The following PRORP variants were observed in gnomAD, a reference collection of about 807,000 sequenced individuals.
PRORP encodes the protein mitochondrial ribonuclease P catalytic subunit.
Under a neutral mutation model 59.4 loss-of-function variants are expected in PRORP, and 51 were observed. The observed-to-expected ratio is 0.86, with a 90% CI of 0.69 to 1.08. The LOEUF is 1.08. Among genes scored for constraint, PRORP ranks in the 50% least tolerant of loss-of-function variants. PRORP has a pLI of 0.00. For synonymous variants in PRORP, 231 were observed against 245.6 expected (o/e 0.94, Z 0.55); for missense variants, 646 against 690.3 (o/e 0.94, Z 0.72).
intron 4 of PRORP, among the ~76,000 whole-genome samples, chr14:35,166,518 A>T (rs10136614): frequency 6.8e-6 from 1 of 147,950 alleles, no homozygotes; most frequent in South Asian, 2.1e-4. Flanking sequence ...GGTGTAATCT[A>T]GGCTCACTGC....
chr14:35,233,182 C>A (rs981704616), intron 5 of PRORP, among the ~76,000 whole-genome samples: 1 of 139,524 alleles, frequency 7.2e-6, no homozygotes, highest in African/African-American at 2.7e-5. Flanking sequence ...GCCAGGGATA[C>A]ACCAATGAAT....
At chr14:35,249,544 ATGCCACTGCAC>A (rs1396603811) in intron 5 of PRORP, among the ~76,000 whole-genome samples, 1 of 152,208 alleles carries the variant, frequency 6.6e-6, no homozygotes, top group Non-Finnish European at 1.5e-5. Flanking sequence ...AACCATGATC[ATGCCACTGCAC>A]TGCCACCTGG....
chr14:35,136,096 G>A (rs1483200063), intron 4 of PRORP, among the ~76,000 whole-genome samples: 1 of 152,176 alleles, frequency 6.6e-6, no homozygotes, highest in Non-Finnish European at 1.5e-5. Flanking sequence ...CTGCTGAGTG[G>A]TCCAGGTGTG....
chr14:35,249,981 G>A (rs1429268638), intron 5 of PRORP, among the ~76,000 whole-genome samples: 2 of 152,028 alleles, frequency 1.3e-5, no homozygotes, highest in African/African-American at 4.8e-5. Context: ...GGCACAGTGG[G>A]TCATGCCTGT....
intron 5 of PRORP, among the ~76,000 whole-genome samples, chr14:35,234,676 CTT>C (rs398056986): frequency 0.026 from 3,357 of 130,018 alleles, 136 homozygotes; most frequent in African/African-American, 0.087. Context: ...ACTGTTGTTC[CTT>C]TTTTTTTTTT....
intron 6 of PRORP, among the ~76,000 whole-genome samples, chr14:35,267,587 T>C (rs1242728387): frequency 4.6e-5 from 7 of 151,966 alleles, no homozygotes. Flanking sequence ...ATCAAGACCA[T>C]CCTGGCTAAC....
intron 5 of PRORP, among the ~76,000 whole-genome samples, chr14:35,241,350 C>T (rs2050362333): frequency 6.6e-6 from 1 of 151,810 alleles, no homozygotes; most frequent in South Asian, 2.1e-4. Flanking sequence ...TGCACGCCAG[C>T]CTGGGTGACA....
At chr14:35,250,855 A>ATT (rs796450876) in intron 5 of PRORP, among the ~76,000 whole-genome samples, 4 of 145,736 alleles carry the variant, frequency 2.7e-5, no homozygotes, top group African/African-American at 7.6e-5. Context: ...TCTCCATTTT[A>ATT]TTTTTTTTTT....
At chr14:35,121,918 G>C, upstream of PRORP, 3 of 1,614,128 alleles carry the variant, frequency 1.9e-6, no homozygotes, top group Non-Finnish European at 2.5e-6. Flanking sequence ...GACAGGTGTT[G>C]GGCGTCGCTA....
intron 6 of PRORP, among the ~76,000 whole-genome samples, chr14:35,268,384 G>C (rs2051101444): frequency 6.8e-6 from 1 of 147,958 alleles, no homozygotes; most frequent in Non-Finnish European, 1.5e-5. Context: ...ACCTACAGTA[G>C]CCATAAAGTA....
At chr14:35,227,300 C>A (rs1369667232) in intron 5 of PRORP, among the ~76,000 whole-genome samples, 1 of 151,498 alleles carries the variant, frequency 6.6e-6, no homozygotes, top group South Asian at 2.1e-4. Context: ...AAAATTTAGT[C>A]GGGCGTGGTG....
chr14:35,126,354 G>A (rs998492473), intron 2 of PRORP, among the ~76,000 whole-genome samples: 1 of 152,218 alleles, frequency 6.6e-6, no homozygotes, highest in Non-Finnish European at 1.5e-5. Flanking sequence ...TGGGAATACA[G>A]TACCACACAG....
chr14:35,229,070 T>C (rs1041079320), intron 5 of PRORP, among the ~76,000 whole-genome samples: 4 of 152,244 alleles, frequency 2.6e-5, no homozygotes, highest in Non-Finnish European at 4.4e-5. Context: ...TTTTCATGTT[T>C]GTTGTCCACT....
At position 35,275,315 on chromosome 14, in the gene PRORP, G is replaced by A. The variant is rs1234118877; in HGVS notation, c.*1749G>A. ...AAACCATATACATGTGTATAATTAG[G>A]GTATGTATTATGCACAGAGAAACAA... On this transcript the variant is annotated 3_prime_UTR_variant, in exon 8 of 8. Coordinates refer to ENST00000534898, the MANE Select transcript of PRORP (RefSeq NM_014672.4). 1.3e-5 allele frequency: 2 copies of A among 151,688 alleles called. No homozygotes were observed. Among genetic ancestry groups the A allele is most frequent in the East Asian group, 1.9e-4 (1 of 5,168 alleles). The allele number at this position is 151,688 out of a possible 1,614,324, so 9.4% of individuals were successfully genotyped here.
At chr14:35,235,449 T>G (rs544751071) in intron 5 of PRORP, 2 of 660,088 alleles carry the variant, frequency 3.0e-6, no homozygotes, top group African/African-American at 3.6e-5. Context: ...ACCCCCATTT[T>G]ATGACACAAG....
chr14:35,266,934 A>G (rs2051057344), intron 6 of PRORP, 59 bp downstream of exon 6: 9 of 1,570,066 alleles, frequency 5.7e-6, no homozygotes, highest in Non-Finnish European at 7.9e-6. Flanking sequence ...TCTGCTTGTT[A>G]GTTACCTACT....
intron 4 of PRORP, among the ~76,000 whole-genome samples, chr14:35,142,867 G>T (rs2047515402): frequency 2.1e-5 from 3 of 143,786 alleles, no homozygotes; most frequent in Admixed American, 7.3e-5. Context: ...AAATTGTAAA[G>T]ATGGGATCTC....
chr14:35,171,596 G>C (rs1460089453), intron 4 of PRORP, among the ~76,000 whole-genome samples: 2 of 151,944 alleles, frequency 1.3e-5, no homozygotes, highest in African/African-American at 4.8e-5. Flanking sequence ...ATTTTCATCA[G>C]TTTTACTATG....
At chr14:35,241,057 T>C (rs1415867838) in intron 5 of PRORP, among the ~76,000 whole-genome samples, 1 of 152,202 alleles carries the variant, frequency 6.6e-6, no homozygotes, top group Non-Finnish European at 1.5e-5. Context: ...TTAACTATTA[T>C]AAGTAATCTA....
Sources: gnomAD v4.1 joint callset for allele counts (sites outside exome capture counted in the v4.1 genomes callset) on GRCh38, gnomAD v4.1.1 for gene constraint, MANE v1.5 for transcripts, NCBI Gene and HGNC (gene_info 2026-07-23, HGNC 2026-07-21) for gene names.